PIK3C3: variants seen among roughly 807,000 people sequenced by gnomAD.
PIK3C3 encodes PI3-kinase type 3.
A neutral mutation model predicts 126.1 loss-of-function variants in PIK3C3; 95 were observed. The ratio of observed to expected loss-of-function variants is 0.75; its 90% CI spans 0.64 to 0.89. The LOEUF (loss-of-function observed/expected upper bound fraction) is 0.89, where lower values mean the gene tolerates loss of function less well. PIK3C3 is among the 40% of genes least tolerant of loss of function. The probability of loss-of-function intolerance (pLI) is 0.00; values close to 1 mark genes in which losing one functional copy is unlikely to be tolerated. For missense variants in PIK3C3, 829 were observed against 1,063.2 expected (o/e 0.78, Z 3.06); for synonymous variants, 374 against 360.0 (o/e 1.04, Z -0.44).
chr18:41,983,581 T>A (rs921583734), intron 4 of PIK3C3, among the ~76,000 whole-genome samples: 16 of 152,180 alleles, frequency 1.1e-4, no homozygotes, highest in African/African-American at 3.9e-4. Context: ...AAGAAGCTCA[T>A]TTGTCTAGTA....
intron 3 of PIK3C3, among the ~76,000 whole-genome samples, chr18:41,964,413 G>A (rs1345366945): frequency 6.6e-6 from 1 of 151,994 alleles, no homozygotes; most frequent in Non-Finnish European, 1.5e-5. Flanking sequence ...TTAATCTTAT[G>A]CCTCAATGTC....
chr18:42,009,090 T>C (rs2144393488), intron 10 of PIK3C3, among the ~76,000 whole-genome samples: 1 of 152,266 alleles, frequency 6.6e-6, no homozygotes, highest in East Asian at 1.9e-4. Context: ...TGTTTAATTT[T>C]CTGTTATATA....
chr18:41,985,629 C>CT (rs1443528707), intron 4 of PIK3C3, among the ~76,000 whole-genome samples: 1 of 152,026 alleles, frequency 6.6e-6, no homozygotes, highest in Non-Finnish European at 1.5e-5. Flanking sequence ...TCTTTTGTGT[C>CT]TAATTTTTCT....
chr18:41,986,512 T>C (rs954324889), intron 4 of PIK3C3, among the ~76,000 whole-genome samples: 7 of 152,078 alleles, frequency 4.6e-5, no homozygotes, highest in African/African-American at 1.7e-4. Context: ...AATACTTGAA[T>C]TTTATTGATG....
chr18:42,038,856 T>C lies in PIK3C3; in HGVS notation c.2038+6T>C, dbSNP rs754765003. On this transcript the variant is annotated splice_donor_region_variant and intron_variant, in intron 18 of 24. Coordinates refer to ENST00000262039, the MANE Select transcript of PIK3C3 (RefSeq NM_002647.4). ...AGCCACCAGTACAAAACATGGTAAG[T>C]GTATTTTACATCATTATTATTTACT... is the stretch of plus-strand genomic sequence containing the variant. The C allele has an allele frequency of 1.3e-6, 2 of 1,533,556 alleles. No homozygotes were observed. The highest frequency in any genetic ancestry group is 2.3e-5 in the South Asian group (2 of 87,078). The allele number at this position is 1,533,556 out of a possible 1,614,324, so 95.0% of individuals were successfully genotyped here.
chr18:42,004,675 GAGGATATACT>G, intron 10 of PIK3C3, 134 bp downstream of exon 10: 1 of 665,562 alleles, frequency 1.5e-6, no homozygotes, highest in East Asian at 3.0e-5. Context: ...TAGAAGGGAA[GAGGATATACT>G]AGGTGTATTT....
intron 10 of PIK3C3, among the ~76,000 whole-genome samples, chr18:42,006,275 C>T (rs1042993189): frequency 4.8e-5 from 7 of 145,736 alleles, no homozygotes; most frequent in Non-Finnish European, 6.0e-5. Flanking sequence ...ATGGAGTTTG[C>T]AGTATAGCAC....
chr18:42,011,516 G>GGGCCCTAA, intron 10 of PIK3C3, among the ~76,000 whole-genome samples: 1 of 152,132 alleles, frequency 6.6e-6, no homozygotes, highest in Non-Finnish European at 1.5e-5. Context: ...TTAGGGCCTT[G>GGGCCCTAA]CTCTGGATTG....
chr18:41,962,578 C>T lies in PIK3C3; in HGVS notation c.347C>T (p.Pro116Leu), dbSNP rs368674895. 2 of 1,613,350 alleles carry T rather than the reference C, an allele frequency of 1.2e-6. No homozygotes were observed. Among genetic ancestry groups the T allele is most frequent in the African/African-American group, 2.7e-5 (2 of 74,854 alleles). ...VALTIWDVYG[P>L]GKAVPVGGTT... ...CTCACCATATGGGATGTGTATGGTC[C>T]CGGAAAAGCAGTGCCTGTAGGAGGA... The change falls in exon 3 of 25, where the codon CCC becomes CTC. Residue 116 changes from proline (P) to leucine (L), a missense_variant. This residue lies in a region of PIK3C3 where 313 missense variants were observed against 340.7 expected (regional missense o/e 0.92). Transcript: ENST00000262039.
chr18:42,081,169 CA>C lies in PIK3C3; in HGVS notation c.*34del. The C allele has an allele frequency of 6.5e-7, 1 of 1,546,456 alleles. No individual in the cohort carries two copies. The highest frequency in any genetic ancestry group is 8.9e-7 in the Non-Finnish European group (1 of 1,127,540). On this transcript the variant is annotated 3_prime_UTR_variant, in exon 25 of 25. Coordinates refer to ENST00000262039, the MANE Select transcript of PIK3C3 (RefSeq NM_002647.4). ...GATTGACCCATCAAGATGCTTGGCTCAATAAGAAAACCACGTTAGGAGCAAC... is the reference window on the plus strand; with the variant it reads ...GATTGACCCATCAAGATGCTTGGCTCATAAGAAAACCACGTTAGGAGCAAC...
In PIK3C3 at chr18:42,081,589, C is replaced by T. The variant is rs1029950187; in HGVS notation, c.*452C>T. ...TTGTTCCTTCTTTCCTCTCTCTTCT[C>T]CCACTCACTTTTGTGTGTTGTTTGT... is the stretch of plus-strand genomic sequence containing the variant. On this transcript the variant is annotated 3_prime_UTR_variant, in exon 25 of 25. Coordinates refer to ENST00000262039, the MANE Select transcript of PIK3C3 (RefSeq NM_002647.4). The T allele has an allele frequency of 6.3e-6, 1 of 159,774 alleles. No individual in the cohort carries two copies. The highest frequency in any genetic ancestry group is 2.4e-5 in the African/African-American group (1 of 41,742). 9.9% of individuals were successfully genotyped at this position (159,774 alleles called of 1,614,324 possible).
intron 10 of PIK3C3, among the ~76,000 whole-genome samples, chr18:42,009,832 A>G (rs1180523152): frequency 6.6e-6 from 1 of 152,138 alleles, no homozygotes; most frequent in Non-Finnish European, 1.5e-5. Flanking sequence ...ATTGCTAAAA[A>G]TTTTAACAAT....
chr18:42,062,680 A>G (rs932741060), intron 22 of PIK3C3, among the ~76,000 whole-genome samples: 2 of 151,818 alleles, frequency 1.3e-5, no homozygotes, highest in Non-Finnish European at 2.9e-5. Flanking sequence ...CCTAGTGCTG[A>G]TGACTTTAAA....
chr18:41,991,440 A>C (rs1041596720), intron 6 of PIK3C3, among the ~76,000 whole-genome samples: 24 of 152,310 alleles, frequency 1.6e-4, no homozygotes, highest in Middle Eastern at 3.4e-3. Context: ...ATAGTCAACA[A>C]ATGTTAAATC....
rs71174077 is a variant in PIK3C3 at position 42,076,089 on chromosome 18, CATATATAT to C, written c.2650-5009_2650-5002del. ...CATCAGCACTGGCTGCTTTACCTTG[CATATATAT>C]ATATATATATATATATATATATATG... On this transcript the variant is annotated intron_variant, in intron 24 of 24. Transcript: ENST00000262039. 4.0e-4 allele frequency among the ~76,000 whole-genome samples: 22 copies of C among 54,648 alleles called. 1 individual carries two copies. The highest frequency in any genetic ancestry group is 3.7e-3 in the East Asian group (6 of 1,600). 35.9% of individuals were successfully genotyped at this position (54,648 alleles called of 152,430 possible).
At position 42,027,595 on chromosome 18, in the gene PIK3C3, A is replaced by T. The variant is rs753830880; in HGVS notation, c.1590+47A>T. ...TGGCAAACTGCAGCACATGGGCCAA[A>T]TTCAGCCTGTTGCCTGTTTAGGAAC... On this transcript the variant is annotated intron_variant, in intron 14 of 24. Transcript: ENST00000262039. 5 of 1,058,234 alleles carry T rather than the reference A, an allele frequency of 4.7e-6. No homozygotes were observed. In the Admixed American group the frequency reaches 5.4e-5, roughly 11 times the overall value. The allele number at this position is 1,058,234 out of a possible 1,614,324, so 65.6% of individuals were successfully genotyped here. A position where few individuals can be genotyped will look rare whatever the true frequency, so the allele number is the denominator to read the frequency against.
At chr18:42,051,667 C>T (rs559723263) in intron 21 of PIK3C3, among the ~76,000 whole-genome samples, 2 of 152,028 alleles carry the variant, frequency 1.3e-5, no homozygotes, top group Non-Finnish European at 1.5e-5. Flanking sequence ...GGCTGATTTG[C>T]TCATTTAGCA....
intron 12 of PIK3C3, among the ~76,000 whole-genome samples, chr18:42,019,500 C>G (rs1983227242): frequency 6.6e-6 from 1 of 152,088 alleles, no homozygotes; most frequent in African/African-American, 2.4e-5. Flanking sequence ...TAACTTTCTT[C>G]TTGAAAAACT....
intron 15 of PIK3C3, among the ~76,000 whole-genome samples, chr18:42,030,355 G>T (rs1983767761): frequency 6.6e-6 from 1 of 152,114 alleles, no homozygotes; most frequent in South Asian, 2.1e-4. Flanking sequence ...CATTTTTTCT[G>T]ATCAGTAGCC....
Sources: allele counts gnomAD v4.1 joint callset (sites outside exome capture counted in the v4.1 genomes callset), GRCh38; gene constraint gnomAD v4.1.1; regional missense constraint gnomAD v4.1.1; transcripts MANE v1.5; gene names NCBI Gene and HGNC (gene_info 2026-07-23, HGNC 2026-07-21).